The following TBCEL variants were observed in gnomAD, a reference collection of about 807,000 sequenced individuals.
TBCEL encodes tubulin folding cofactor E like.
Under a neutral mutation model 44.2 loss-of-function variants are expected in TBCEL, and 15 were observed. That is an observed-to-expected ratio of 0.34 (90% CI 0.23 to 0.52). TBCEL has a LOEUF of 0.52. Ranked by LOEUF, TBCEL falls within the 20% of genes least tolerant of loss-of-function variation. The pLI is 0.95. For missense variants in TBCEL, 319 were observed against 506.3 expected (o/e 0.63, Z 3.55); for synonymous variants, 171 against 185.4 (o/e 0.92, Z 0.63).
chr11:121,036,302 G>C (rs1256434746), intron 1 of TBCEL: 1 of 152,250 alleles, frequency 6.6e-6, no homozygotes, highest in Non-Finnish European at 1.5e-5. Context: ...TCGAATCTGG[G>C]CCAAATAGAA....
At chr11:121,069,802 T>G (rs1439532686) in intron 8 of TBCEL, among the ~76,000 whole-genome samples, 2 of 150,970 alleles carry the variant, frequency 1.3e-5, no homozygotes, top group South Asian at 4.2e-4. Context: ...AAAAAAAAAG[T>G]AGTTAATAAC....
At chr11:121,061,256 T>C (rs1351396925) in intron 8 of TBCEL, among the ~76,000 whole-genome samples, 1 of 152,032 alleles carries the variant, frequency 6.6e-6, no homozygotes, top group Admixed American at 6.6e-5. Flanking sequence ...TTTCATTTGG[T>C]TTAATCTAAC....
chr11:121,076,526 T>C (rs1946036805), intron 8 of TBCEL, among the ~76,000 whole-genome samples: 1 of 152,030 alleles, frequency 6.6e-6, no homozygotes, highest in African/African-American at 2.4e-5. Context: ...CTTTGTATTC[T>C]ACAGCCTTGC....
intron 1 of TBCEL, among the ~76,000 whole-genome samples, chr11:121,028,318 T>G (rs897546591): frequency 6.6e-6 from 1 of 152,250 alleles, no homozygotes; most frequent in African/African-American, 2.4e-5. Context: ...TTTATCAAGC[T>G]GTCTGGATGA....
chr11:121,065,755 T>C (rs1945808438), intron 8 of TBCEL, among the ~76,000 whole-genome samples: 1 of 152,224 alleles, frequency 6.6e-6, no homozygotes, highest in South Asian at 2.1e-4. Flanking sequence ...CTGCATATTG[T>C]TCTTTTCTCA....
chr11:121,031,574 G>A (rs115633780), intron 1 of TBCEL, among the ~76,000 whole-genome samples: 3 of 151,002 alleles, frequency 2.0e-5, no homozygotes, highest in African/African-American at 7.3e-5. Context: ...TTAGTTACAC[G>A]TGTTGCAAGT....
intron 8 of TBCEL, among the ~76,000 whole-genome samples, chr11:121,077,184 C>A (rs527856892): frequency 1.3e-4 from 19 of 151,820 alleles, no homozygotes; most frequent in African/African-American, 4.3e-4. Context: ...TCCTTTTTTT[C>A]TGGAAGAGTT....
Position 121,053,646 on chromosome 11 carries a change from G to A in TBCEL, c.369G>A (p.Gly123=). ...CGGTTTTAGAAAGAACATGTGCTGG[G>A]TCCTTCTCTGGGGTTCGCAAACTTG... is the stretch of plus-strand genomic sequence containing the variant. ...NLSVLERTCA[G]SFSGVRKLVL... The change falls in exon 5 of 9, where the codon GGG becomes GGA. Residue 123 remains glycine (G), a synonymous_variant. Coordinates refer to ENST00000683345, the MANE Select transcript of TBCEL (RefSeq NM_001363644.2). 6.2e-7 allele frequency: 1 copy of A among 1,612,422 alleles called. No homozygotes were observed. The highest frequency in any genetic ancestry group is 1.7e-4 in the Middle Eastern group (1 of 6,046).
chr11:121,044,959 A>G (rs752143761), intron 2 of TBCEL, among the ~76,000 whole-genome samples: 1 of 152,144 alleles, frequency 6.6e-6, no homozygotes, highest in Non-Finnish European at 1.5e-5. Context: ...ATGTACCAGT[A>G]TGGCAGCTCA....
At chr11:121,078,330 T>C (rs1053928788) in intron 8 of TBCEL, among the ~76,000 whole-genome samples, 1 of 152,208 alleles carries the variant, frequency 6.6e-6, no homozygotes, top group Non-Finnish European at 1.5e-5. Flanking sequence ...CATTTTGGAT[T>C]GTTACGTCTT....
intron 8 of TBCEL, among the ~76,000 whole-genome samples, chr11:121,072,525 C>T (rs962018122): frequency 6.6e-6 from 1 of 152,030 alleles, no homozygotes; most frequent in Admixed American, 6.6e-5. Flanking sequence ...ATTTCTTACT[C>T]CAAGAAGTAA....
In TBCEL at chr11:121,047,649, A is replaced by G. The variant is rs771205640; in HGVS notation, c.255A>G (p.Lys85=). Residue 85 remains lysine (K), a synonymous_variant, in exon 4 of 9, where the codon AAA becomes AAG. Transcript: ENST00000683345. ...HVSELDLSDN[K]LEDWHEVSKI... The stretch of plus-strand genomic sequence containing the variant: ...CGGAACTAGATCTTTCTGACAACAA[A>G]CTCGAAGACTGGCATGAGGTGAAGT... The G allele has an allele frequency of 3.1e-6, 5 of 1,612,486 alleles. No individual in the cohort carries two copies. Among genetic ancestry groups the G allele is most frequent in the African/African-American group, 1.3e-5 (1 of 74,910 alleles).
chr11:121,050,533 A>T (rs1393394539), intron 4 of TBCEL, among the ~76,000 whole-genome samples: 5 of 150,244 alleles, frequency 3.3e-5, no homozygotes, highest in Non-Finnish European at 3.0e-5. Flanking sequence ...AAAATAATGC[A>T]TTTTTTTTTA....
intron 8 of TBCEL, among the ~76,000 whole-genome samples, chr11:121,079,219 T>G (rs1432274930): frequency 6.6e-6 from 1 of 152,158 alleles, no homozygotes; most frequent in African/African-American, 2.4e-5. Flanking sequence ...CATCTATGGC[T>G]TCAGGTAAGT....
At chr11:121,079,140 G>A (rs753414542) in intron 8 of TBCEL, among the ~76,000 whole-genome samples, 36 of 152,208 alleles carry the variant, frequency 2.4e-4, no homozygotes, top group Non-Finnish European at 4.7e-4. Context: ...TGCTATATGT[G>A]TGAAAGGTGA....
At chr11:121,031,104 A>G (rs544587242) in intron 1 of TBCEL, among the ~76,000 whole-genome samples, 22 of 152,244 alleles carry the variant, frequency 1.4e-4, no homozygotes, top group African/African-American at 4.6e-4. Context: ...CCCCACCGCA[A>G]TCCTCCCAGG....
intron 1 of TBCEL, among the ~76,000 whole-genome samples, chr11:121,030,448 T>G (rs1945123432): frequency 6.6e-6 from 1 of 152,004 alleles, no homozygotes; most frequent in Admixed American, 6.6e-5. Context: ...TGTATAAGAG[T>G]CAAGAGGGAC....
intron 1 of TBCEL, chr11:121,035,276 C>T (rs970703940): frequency 2.6e-5 from 4 of 152,018 alleles, no homozygotes. Flanking sequence ...GGCTACTACC[C>T]CTTCCTGTGA....
Position 121,086,979 on chromosome 11 carries a change from C to T in TBCEL, c.1158C>T (p.Tyr386=), listed in dbSNP as rs1232536436. 4 of 1,613,982 alleles carry T rather than the reference C, an allele frequency of 2.5e-6. No homozygotes were observed. Among genetic ancestry groups the T allele is most frequent in the African/African-American group, 1.3e-5 (1 of 74,944 alleles). Residue 386 remains tyrosine, a synonymous_variant, in exon 9 of 9, where the codon TAC becomes TAT. Coordinates refer to ENST00000683345, the MANE Select transcript of TBCEL (RefSeq NM_001363644.2). ...VQLPTSNMLL[Y]YFDHEAPFGP... ...TACCCACAAGCAACATGCTTCTCTA[C>T]TATTTTGACCATGAAGCACCCTTTG...
Sources: gnomAD v4.1 joint callset for allele counts (sites outside exome capture counted in the v4.1 genomes callset) on GRCh38, gnomAD v4.1.1 for gene constraint, MANE v1.5 for transcripts, NCBI Gene and HGNC (gene_info 2026-07-23, HGNC 2026-07-21) for gene names.